The following IQSEC1 variants were observed in gnomAD, a reference collection of about 807,000 sequenced individuals.
The protein encoded by IQSEC1 is IQ motif and SEC7 domain-containing protein 1.
A neutral mutation model predicts 91.0 loss-of-function variants in IQSEC1; 31 were observed. The observed-to-expected ratio is 0.34, with a 90% CI of 0.26 to 0.46. IQSEC1 has a LOEUF of 0.46. IQSEC1 is among the 20% of genes least tolerant of loss of function. The probability of loss-of-function intolerance (pLI) is 1.00; values close to 1 mark genes in which losing one functional copy is unlikely to be tolerated. For synonymous variants in IQSEC1, 699 were observed against 662.6 expected (o/e 1.05, Z -0.84); for missense variants, 1,388 against 1,575.6 (o/e 0.88, Z 2.02).
intron 1 of IQSEC1, among the ~76,000 whole-genome samples, chr3:12,974,149 C>T (rs142940310): frequency 5.3e-5 from 8 of 152,288 alleles, no homozygotes; most frequent in African/African-American, 9.6e-5. Context: ...AAACCCAGCA[C>T]GGGTACAGGT....
intron 1 of IQSEC1, chr3:13,053,044 TC>T: frequency 8.9e-7 from 1 of 1,119,274 alleles, no homozygotes; most frequent in Non-Finnish European, 1.4e-6. Flanking sequence ...TTCATCCGAA[TC>T]CACGGGGGAA....
chr3:13,273,441 C>G (rs1695621641), intron 1 of IQSEC1, among the ~76,000 whole-genome samples: 1 of 152,226 alleles, frequency 6.6e-6, no homozygotes, highest in African/African-American at 2.4e-5. Context: ...TTCAAGAACT[C>G]CCCATTCCAA....
At chr3:12,942,992 G>A (rs540589696) in intron 1 of IQSEC1, among the ~76,000 whole-genome samples, 1 of 152,368 alleles carries the variant, frequency 6.6e-6, no homozygotes, top group South Asian at 2.1e-4. Flanking sequence ...GTCTGTTGTC[G>A]AAGGCCCCTG....
At chr3:13,240,809 AGAG>A (rs1311233315) in intron 1 of IQSEC1, among the ~76,000 whole-genome samples, 1 of 152,214 alleles carries the variant, frequency 6.6e-6, no homozygotes, top group African/African-American at 2.4e-5. Context: ...TGCGGCAGGC[AGAG>A]GAGATGATAA....
chr3:12,949,567 A>C (rs925423481), intron 1 of IQSEC1, among the ~76,000 whole-genome samples: 1 of 152,266 alleles, frequency 6.6e-6, no homozygotes, highest in Non-Finnish European at 1.5e-5. Flanking sequence ...AAGGGAGCCT[A>C]GACTGGGCAG....
At chr3:13,130,331 G>A (rs1166059613) in intron 2 of IQSEC1, among the ~76,000 whole-genome samples, 5 of 126,472 alleles carry the variant, frequency 4.0e-5, no homozygotes, top group Non-Finnish European at 7.8e-5. Context: ...GCGACAGAAC[G>A]AGACTCTGTC....
chr3:13,235,650 C>T (rs1694915244), intron 1 of IQSEC1, among the ~76,000 whole-genome samples: 1 of 152,178 alleles, frequency 6.6e-6, no homozygotes, highest in African/African-American at 2.4e-5. Context: ...TGCTCTGGGA[C>T]CCCAGGTGGC....
At chr3:13,128,830 T>C (rs1375800075) in intron 2 of IQSEC1, among the ~76,000 whole-genome samples, 1 of 144,656 alleles carries the variant, frequency 6.9e-6, no homozygotes. Flanking sequence ...TGAGCCGAGA[T>C]TGCACCACTG....
chr3:13,094,119 G>C (rs978552997), intron 2 of IQSEC1, among the ~76,000 whole-genome samples: 5 of 152,206 alleles, frequency 3.3e-5, no homozygotes, highest in Non-Finnish European at 5.9e-5. Context: ...AAGAGAGAGA[G>C]AGAACCGTGA....
Position 13,211,963 on chromosome 3 carries a change from G to GCGTGTC in IQSEC1, c.273-47836_273-47831dup, listed in dbSNP as rs1576296868. Among the ~76,000 whole-genome samples the GCGTGTC allele has an allele frequency of 2.0e-5, 3 of 152,106 alleles. No homozygotes were observed. Among genetic ancestry groups the GCGTGTC allele is most frequent in the Non-Finnish European group, 4.4e-5 (3 of 68,008 alleles). ...TTTTTGAGCCCCTGTGGGCTCTGGC[G>GCGTGTC]CGTGTCGGTGCCCAGCCTCTGTGAG... On this transcript the variant is annotated intron_variant, in intron 1 of 15. Coordinates refer to the IQSEC1 transcript ENST00000648114. The surrounding 1 kb of genome is among the most constrained non-coding windows in gnomAD (Gnocchi z 5.3).
At chr3:13,163,528 C>T (rs1247931463) in intron 2 of IQSEC1, among the ~76,000 whole-genome samples, 1 of 29,988 alleles carries the variant, frequency 3.3e-5, no homozygotes. Flanking sequence ...GGCACTGACA[C>T]CCCAGGTACT....
rs111755426 is a variant in IQSEC1, at chr3:13,151,536, C to T, written c.302+12568G>A. ...ACAGTAGCAAAGTTCAGAATGGGAG[C>T]ACGATGGGGTCGGGGAGGCCCCACA... On this transcript the variant is annotated intron_variant, in intron 2 of 15. Coordinates refer to the IQSEC1 transcript ENST00000648114. Among the ~76,000 whole-genome samples, 1,267 of 152,272 alleles carry T rather than the reference C, an allele frequency of 8.3e-3. 13 individuals are homozygous for T. Among genetic ancestry groups the T allele is most frequent in the African/African-American group, 0.029 (1,198 of 41,538 alleles).
chr3:12,988,041 A>C (rs1257173347), intron 1 of IQSEC1, among the ~76,000 whole-genome samples: 1 of 152,244 alleles, frequency 6.6e-6, no homozygotes, highest in East Asian at 1.9e-4. Flanking sequence ...ACAGCCCCAA[A>C]CTGAAAACAA....
At chr3:12,972,927 C>T (rs138959111) in intron 1 of IQSEC1, among the ~76,000 whole-genome samples, 3 of 152,306 alleles carry the variant, frequency 2.0e-5, no homozygotes, top group East Asian at 3.9e-4. Flanking sequence ...TAGAGTGGCA[C>T]CTCAGGGAAG....
At chr3:13,094,804 C>T (rs552085747) in intron 2 of IQSEC1, among the ~76,000 whole-genome samples, 2 of 152,310 alleles carry the variant, frequency 1.3e-5, no homozygotes, top group African/African-American at 4.8e-5. Context: ...CCGAGAGCAC[C>T]TGACCCTTCT....
At chr3:13,203,926 C>G (rs1694292071) in intron 1 of IQSEC1, among the ~76,000 whole-genome samples, 1 of 152,226 alleles carries the variant, frequency 6.6e-6, no homozygotes, top group Non-Finnish European at 1.5e-5. Flanking sequence ...GCCTGGCAGA[C>G]CCCGTCCCAG....
chr3:13,257,861 AC>A (rs1695318912), intron 1 of IQSEC1, among the ~76,000 whole-genome samples: 1 of 152,168 alleles, frequency 6.6e-6, no homozygotes, highest in African/African-American at 2.4e-5. Context: ...CCACACAAAA[AC>A]CTACACATGG....
chr3:13,161,621 TG>T (rs1707178209), intron 2 of IQSEC1, among the ~76,000 whole-genome samples: 1 of 152,186 alleles, frequency 6.6e-6, no homozygotes, highest in African/African-American at 2.4e-5. Context: ...CTGTGCATGA[TG>T]GGGACAACGG....
At chr3:13,258,096 C>T (rs1421584960) in intron 1 of IQSEC1, among the ~76,000 whole-genome samples, 1 of 152,132 alleles carries the variant, frequency 6.6e-6, no homozygotes, top group Non-Finnish European at 1.5e-5. Flanking sequence ...AGGCAGAGCA[C>T]AGAGGATTTT....
Sources: gnomAD v4.1 joint callset for allele counts (sites outside exome capture counted in the v4.1 genomes callset) on GRCh38, gnomAD v4.1.1 for gene constraint, Gnocchi (gnomAD v3.1) non-coding constraint, MANE v1.5 for transcripts, NCBI Gene and HGNC (gene_info 2026-07-23, HGNC 2026-07-21) for gene names.